Variants in MSRB3 observed in about 807,000 individuals in gnomAD.
The protein encoded by MSRB3 is methionine sulfoxide reductase B3.
MSRB3 carries 13 observed loss-of-function variants against 21.0 expected under a neutral mutation model. That is an observed-to-expected ratio of 0.62 (90% CI 0.40 to 0.98). The LOEUF (loss-of-function observed/expected upper bound fraction) is 0.98. Ranked by LOEUF, MSRB3 falls within the 50% of genes least tolerant of loss-of-function variation. The probability of loss-of-function intolerance (pLI) is 0.00; values close to 1 mark genes in which losing one functional copy is unlikely to be tolerated. For synonymous variants in MSRB3, 87 were observed against 88.6 expected, an observed-to-expected ratio of 0.98 and a Z score of 0.10; for missense variants, 199 against 230.3, an observed-to-expected ratio of 0.86 and a Z score of 0.88.
intron 5 of MSRB3, among the ~76,000 whole-genome samples, chr12:65,372,365 C>A (rs1200384562): frequency 6.6e-6 from 1 of 152,224 alleles, no homozygotes; most frequent in Non-Finnish European, 1.5e-5. Context: ...GCTGTGGTCT[C>A]TGTGTACTGA....
intron 4 of MSRB3, among the ~76,000 whole-genome samples, chr12:65,332,288 T>C (rs1875475482): frequency 1.3e-5 from 2 of 149,032 alleles, no homozygotes; most frequent in South Asian, 4.2e-4. Context: ...TAGGAAACAA[T>C]TGAGGTGTGT....
At chr12:65,377,427 C>T (rs982415007) in intron 5 of MSRB3, among the ~76,000 whole-genome samples, 1 of 151,924 alleles carries the variant, frequency 6.6e-6, no homozygotes, top group African/African-American at 2.4e-5. Context: ...GCCCTGCCCC[C>T]TCCTCCGTCC....
At chr12:65,429,004 T>C (rs1024332837) in intron 5 of MSRB3, among the ~76,000 whole-genome samples, 1 of 152,082 alleles carries the variant, frequency 6.6e-6, no homozygotes, top group African/African-American at 2.4e-5. Context: ...TTTTTGAGGG[T>C]GGGACTGTAT....
chr12:65,332,183 G>A (rs12231542), intron 4 of MSRB3, among the ~76,000 whole-genome samples: 1 of 152,294 alleles, frequency 6.6e-6, no homozygotes, highest in East Asian at 1.9e-4. Flanking sequence ...TAGGGGTTCA[G>A]GAGCAAAAGT....
At chr12:65,450,475 A>T (rs1272912327) in intron 5 of MSRB3, among the ~76,000 whole-genome samples, 1 of 152,228 alleles carries the variant, frequency 6.6e-6, no homozygotes, top group Non-Finnish European at 1.5e-5. Context: ...AAATGAAATG[A>T]TAATAGGCCT....
intron 2 of MSRB3, among the ~76,000 whole-genome samples, chr12:65,325,629 C>A (rs796939869): frequency 1.3e-5 from 2 of 151,886 alleles, no homozygotes; most frequent in African/African-American, 4.8e-5. Flanking sequence ...GTACCTTGAA[C>A]GTAAAAAAAA....
intron 4 of MSRB3, among the ~76,000 whole-genome samples, chr12:65,338,137 T>A (rs960322047): frequency 6.6e-6 from 1 of 152,230 alleles, no homozygotes; most frequent in East Asian, 1.9e-4. Context: ...TGTAAATAGA[T>A]ACTTGGTACT....
At chr12:65,320,055 A>C (rs903702428) in intron 2 of MSRB3, among the ~76,000 whole-genome samples, 2 of 152,220 alleles carry the variant, frequency 1.3e-5, no homozygotes, top group African/African-American at 2.4e-5. Context: ...TTGCCTTGGC[A>C]TGCTTATAAT....
At chr12:65,425,747 T>C (rs1350986492) in intron 5 of MSRB3, among the ~76,000 whole-genome samples, 1 of 152,182 alleles carries the variant, frequency 6.6e-6, no homozygotes, top group African/African-American at 2.4e-5. Context: ...TAGTTTTGTC[T>C]TTTAACTTTC....
chr12:65,284,172 G>A (rs893489411), intron 1 of MSRB3: 5 of 152,168 alleles, frequency 3.3e-5, no homozygotes, highest in African/African-American at 4.8e-5. Flanking sequence ...AGGGAACTTG[G>A]ATTGGGTTAG....
At chr12:65,324,495 T>G (rs1874888716) in intron 2 of MSRB3, among the ~76,000 whole-genome samples, 1 of 152,216 alleles carries the variant, frequency 6.6e-6, no homozygotes, top group Admixed American at 6.5e-5. Flanking sequence ...GTCTCTTCAA[T>G]ACCCTTCATT....
At chr12:65,333,531 AG>A (rs1875562596) in intron 4 of MSRB3, among the ~76,000 whole-genome samples, 1 of 152,312 alleles carries the variant, frequency 6.6e-6, no homozygotes, top group Middle Eastern at 3.4e-3. Flanking sequence ...AGGAGTGGGA[AG>A]GTGGGTTATG....
chr12:65,410,507 C>T (rs1299219272), intron 5 of MSRB3, among the ~76,000 whole-genome samples: 1 of 151,926 alleles, frequency 6.6e-6, no homozygotes, highest in Non-Finnish European at 1.5e-5. Context: ...AGCTGAGTGT[C>T]GTGGCATGCA....
At chr12:65,425,049 T>TAA (rs1386548076) in intron 5 of MSRB3, among the ~76,000 whole-genome samples, 1 of 2,218 alleles carries the variant, frequency 4.5e-4, no homozygotes, top group South Asian at 0.012. Flanking sequence ...ATATGTATAT[T>TAA]ATATATATTT....
chr12:65,315,566 G>C (rs1356792979), intron 2 of MSRB3, among the ~76,000 whole-genome samples: 1 of 151,528 alleles, frequency 6.6e-6, no homozygotes, highest in South Asian at 2.1e-4. Flanking sequence ...TACCCAGGAG[G>C]CTGAAGCAGG....
chr12:65,462,231 G>A (rs74099842), intron 6 of MSRB3, among the ~76,000 whole-genome samples: 47 of 152,190 alleles, frequency 3.1e-4, no homozygotes, highest in African/African-American at 1.0e-3. Context: ...CATCTCGTTC[G>A]CCCCATCCCT....
chr12:65,406,716 T>C (rs1335544269), intron 5 of MSRB3, among the ~76,000 whole-genome samples: 2 of 152,216 alleles, frequency 1.3e-5, no homozygotes, highest in Non-Finnish European at 2.9e-5. Flanking sequence ...ATGGTTTGAA[T>C]GTTTGTGTCC....
chr12:65,345,934 G>C (rs866437121), intron 4 of MSRB3, among the ~76,000 whole-genome samples: 3 of 151,892 alleles, frequency 2.0e-5, no homozygotes, highest in African/African-American at 7.3e-5. Flanking sequence ...ATGGCTGCAT[G>C]GTATTCCATG....
At chr12:65,459,348 A>T (rs1472527341) in intron 6 of MSRB3, among the ~76,000 whole-genome samples, 1 of 152,220 alleles carries the variant, frequency 6.6e-6, no homozygotes, top group Non-Finnish European at 1.5e-5. Flanking sequence ...TCTTCTACAG[A>T]TGACAACTCA....
Sources: gnomAD v4.1 joint callset for allele counts (sites outside exome capture counted in the v4.1 genomes callset) on GRCh38, gnomAD v4.1.1 for gene constraint, MANE v1.5 for transcripts, NCBI Gene and HGNC (gene_info 2026-07-23, HGNC 2026-07-21) for gene names.